Variants in PPP2R3A observed in about 807,000 individuals in gnomAD.
PPP2R3A encodes the protein protein phosphatase 2 regulatory subunit B''alpha.
A neutral mutation model predicts 106.9 loss-of-function variants in PPP2R3A; 80 were observed. The ratio of observed to expected loss-of-function variants is 0.75; its 90% CI spans 0.62 to 0.90. The LOEUF is 0.90. Ranked by LOEUF, PPP2R3A falls within the 40% of genes least tolerant of loss-of-function variation. PPP2R3A has a pLI of 0.00. For missense variants in PPP2R3A, 1,386 were observed against 1,350.4 expected (o/e 1.03, Z -0.41); for synonymous variants, 483 against 468.3 (o/e 1.03, Z -0.41).
At chr3:136,085,085 T>C (rs1936889656) in intron 8 of PPP2R3A, among the ~76,000 whole-genome samples, 1 of 152,180 alleles carries the variant, frequency 6.6e-6, no homozygotes, top group Non-Finnish European at 1.5e-5. Context: ...GGATCTGAGA[T>C]ATGGGAGGAG....
rs1939130195 is a variant in PPP2R3A at position 136,146,470 on chromosome 3, AG to A, written c.*1305del. On this transcript the variant is annotated 3_prime_UTR_variant, in exon 14 of 14. Transcript: ENST00000264977. The stretch of plus-strand genomic sequence containing the variant: ...CTCCTTGCTGGCATAAAGGCCAAGC[AG>A]TGAAATGAACCTTGGGTTAGAGTTA... 1 of 152,198 alleles carries A rather than the reference AG, an allele frequency of 6.6e-6. No individual in the cohort carries two copies. Among genetic ancestry groups the A allele is most frequent in the East Asian group, 1.9e-4 (1 of 5,194 alleles). 9.4% of individuals were successfully genotyped at this position (152,198 alleles called of 1,614,324 possible).
intron 2 of PPP2R3A, among the ~76,000 whole-genome samples, chr3:136,026,504 G>C (rs914059180): frequency 3.9e-5 from 6 of 152,136 alleles, no homozygotes; most frequent in African/African-American, 1.2e-4. Flanking sequence ...AGTTCCAACA[G>C]AGTGAGAATA....
chr3:136,019,296 T>C (rs986931556), intron 2 of PPP2R3A, among the ~76,000 whole-genome samples: 4 of 152,208 alleles, frequency 2.6e-5, no homozygotes, highest in Admixed American at 6.5e-5. Context: ...GCTCTTTCCA[T>C]TGTAACTGCA....
intron 13 of PPP2R3A, among the ~76,000 whole-genome samples, chr3:136,136,062 A>AT (rs1938602169): frequency 5.2e-5 from 3 of 58,200 alleles, no homozygotes; most frequent in East Asian, 5.2e-4. Context: ...AAAAAAAAAA[A>AT]AAAAAAAAAA....
intron 1 of PPP2R3A, among the ~76,000 whole-genome samples, chr3:135,987,726 A>G (rs1030377268): frequency 9.9e-6 from 1 of 100,560 alleles, no homozygotes; most frequent in Non-Finnish European, 2.3e-5. Flanking sequence ...TTCTTCTTCA[A>G]TTCGCCATAC....
chr3:136,088,921 A>G (rs986651544), intron 9 of PPP2R3A, among the ~76,000 whole-genome samples: 1 of 152,052 alleles, frequency 6.6e-6, no homozygotes, highest in African/African-American at 2.4e-5. Context: ...TCCTTTGCCC[A>G]TTTTTAAATG....
chr3:136,137,833 G>A (rs1200697657), intron 13 of PPP2R3A, among the ~76,000 whole-genome samples: 1 of 151,906 alleles, frequency 6.6e-6, no homozygotes, highest in East Asian at 1.9e-4. Flanking sequence ...GAGCCACCGC[G>A]CCCGGCCTCT....
At chr3:136,056,059 C>T (rs1395326206) in intron 5 of PPP2R3A, among the ~76,000 whole-genome samples, 1 of 152,186 alleles carries the variant, frequency 6.6e-6, no homozygotes, top group African/African-American at 2.4e-5. Flanking sequence ...GGACATGTTA[C>T]TTCTCTGGCC....
chr3:136,109,162 T>C (rs1937559750), intron 13 of PPP2R3A, among the ~76,000 whole-genome samples: 1 of 152,142 alleles, frequency 6.6e-6, no homozygotes, highest in Admixed American at 6.5e-5. Flanking sequence ...GAAGTAAATA[T>C]ATGTGTAAGT....
chr3:136,006,761 A>G (rs541453807), intron 2 of PPP2R3A, among the ~76,000 whole-genome samples: 170 of 152,346 alleles, frequency 1.1e-3, no homozygotes, highest in African/African-American at 3.8e-3. Flanking sequence ...GTCCCAGGGG[A>G]ATTCAGCAAG....
At chr3:136,142,738 C>G (rs1002777093) in intron 13 of PPP2R3A, among the ~76,000 whole-genome samples, 12 of 152,330 alleles carry the variant, frequency 7.9e-5, no homozygotes, top group Admixed American at 4.6e-4. Context: ...GGCTCTGACA[C>G]TTAGCAACAG....
chr3:136,103,377 G>C lies in PPP2R3A; in HGVS notation c.3222+1G>C. 1 of 1,567,818 alleles carries C rather than the reference G, an allele frequency of 6.4e-7. No homozygotes were observed. The highest frequency in any genetic ancestry group is 1.1e-5 in the South Asian group (1 of 88,482). The stretch of plus-strand genomic sequence containing the variant: ...GAGAGATCCCTTTGCGGTCCAGAAG[G>C]TAACAGTATAATTTTAACTTTTATT... On this transcript the variant is annotated splice_donor_variant, in intron 12 of 13. Transcript: ENST00000264977. LOFTEE classifies it high-confidence loss of function.
chr3:136,023,975 A>G (rs1934559931), intron 2 of PPP2R3A, among the ~76,000 whole-genome samples: 1 of 152,140 alleles, frequency 6.6e-6, no homozygotes, highest in Admixed American at 6.6e-5. Flanking sequence ...GGTTATTCTG[A>G]CCCAGAATAA....
chr3:136,024,096 A>G (rs1284667748), intron 2 of PPP2R3A, among the ~76,000 whole-genome samples: 1 of 152,184 alleles, frequency 6.6e-6, no homozygotes, highest in Non-Finnish European at 1.5e-5. Context: ...CTGAATGAAT[A>G]TCTAAATGAT....
At chr3:136,121,682 G>A (rs1019021112) in intron 13 of PPP2R3A, among the ~76,000 whole-genome samples, 6 of 151,266 alleles carry the variant, frequency 4.0e-5, no homozygotes, top group Non-Finnish European at 7.4e-5. Context: ...TAATATTCTC[G>A]GAAAGAGAAG....
chr3:135,995,350 T>C lies in PPP2R3A; in HGVS notation c.-440-5709T>C, dbSNP rs552397070. Among the ~76,000 whole-genome samples, 5 of 152,234 alleles carry C rather than the reference T, an allele frequency of 3.3e-5. No individual in the cohort carries two copies. The South Asian group carries it at 6.2e-4, about 19-fold the overall frequency. On this transcript the variant is annotated intron_variant, in intron 1 of 13. Coordinates refer to ENST00000264977, the MANE Select transcript of PPP2R3A (RefSeq NM_002718.5). Reference sequence around the variant, plus strand: ...AGATTATAAAACTCATTATTTCATATGCCATTAAGAAAAAACTCTATTGAT... The same window carrying C: ...AGATTATAAAACTCATTATTTCATACGCCATTAAGAAAAAACTCTATTGAT...
At chr3:136,139,616 C>G (rs1020659124) in intron 13 of PPP2R3A, among the ~76,000 whole-genome samples, 2 of 150,700 alleles carry the variant, frequency 1.3e-5, no homozygotes, top group Non-Finnish European at 2.9e-5. Flanking sequence ...TCGCTTGAAC[C>G]TCGGAGGCAG....
chr3:136,041,263 T>TG lies in PPP2R3A; in HGVS notation c.2366+301_2366+302insG, dbSNP rs1491216048. On this transcript the variant is annotated intron_variant, in intron 4 of 13. Coordinates refer to ENST00000264977, the MANE Select transcript of PPP2R3A (RefSeq NM_002718.5). ...GTTTTTTTTTTTGTTTTTTTTTTTG[T>TG]TTTTTTTTTTTTGAGACAGAATGTC... Among the ~76,000 whole-genome samples, 180 of 75,426 alleles carry TG rather than the reference T, an allele frequency of 2.4e-3. 16 individuals are homozygous for TG. Among genetic ancestry groups the TG allele is most frequent in the African/African-American group, 7.0e-3 (161 of 23,096 alleles). The allele number at this position is 75,426 out of a possible 152,430, so 49.5% of individuals were successfully genotyped here. A position where few individuals can be genotyped will look rare whatever the true frequency, so the allele number is the denominator to read the frequency against.
intron 5 of PPP2R3A, among the ~76,000 whole-genome samples, chr3:136,056,007 A>G (rs535305133): frequency 5.8e-4 from 88 of 152,318 alleles, no homozygotes; most frequent in Non-Finnish European, 4.9e-4. Flanking sequence ...GCAGTCATCA[A>G]TCACGTTGTT....
Sources: gnomAD v4.1 joint callset for allele counts (sites outside exome capture counted in the v4.1 genomes callset) on GRCh38, gnomAD v4.1.1 for gene constraint, MANE v1.5 for transcripts, NCBI Gene and HGNC (gene_info 2026-07-23, HGNC 2026-07-21) for gene names.